PRKN: variants seen among roughly 807,000 people sequenced by gnomAD.
The protein encoded by PRKN is E3 ubiquitin-protein ligase parkin.
In PRKN, 56 loss-of-function variants were observed where a neutral mutation model predicts 59.5. The observed-to-expected ratio is 0.94, with a 90% confidence interval of 0.76 to 1.18. PRKN has a LOEUF of 1.18. Among genes scored for constraint, PRKN ranks in the 50% most tolerant of loss-of-function variants. The pLI, the probability that PRKN is intolerant of heterozygous loss-of-function variation, is 0.00. For missense variants in PRKN, 657 were observed against 596.4 expected (o/e 1.10, Z -1.06); for synonymous variants, 250 against 222.1 (o/e 1.13, Z -1.12).
chr6:162,159,826 A>C (rs549434994), intron 4 of PRKN, among the ~76,000 whole-genome samples: 3 of 152,334 alleles, frequency 2.0e-5, no homozygotes, highest in African/African-American at 7.2e-5. Context: ...TTTTGGCAAA[A>C]TGTAAGTGTA....
chr6:162,262,922 C>G lies in PRKN; in HGVS notation c.172-157G>C, dbSNP rs573023999. 9.9e-5 allele frequency among the ~76,000 whole-genome samples: 15 copies of G among 152,138 alleles called. No homozygotes were observed. In the East Asian group the frequency reaches 2.9e-3, roughly 29 times the overall value. ...CTCCTTTGCCCACAGCAGTTACACA[C>G]TACACACGGTAGACAAACAACACTG... On this transcript the variant is annotated intron_variant, in intron 2 of 11. Coordinates refer to ENST00000366898, the MANE Select transcript of PRKN (RefSeq NM_004562.3).
At chr6:161,712,889 T>A (rs796649272) in intron 7 of PRKN, among the ~76,000 whole-genome samples, 1 of 152,084 alleles carries the variant, frequency 6.6e-6, no homozygotes, top group African/African-American at 2.4e-5. Flanking sequence ...ACTTGCCACA[T>A]ATACCAAGCA....
At chr6:162,182,211 C>T (rs1783830315) in intron 4 of PRKN, among the ~76,000 whole-genome samples, 1 of 152,174 alleles carries the variant, frequency 6.6e-6, no homozygotes, top group Non-Finnish European at 1.5e-5. Flanking sequence ...GTTCCAAATA[C>T]ACTACACTCT....
chr6:161,552,787 G>GTTGTTGTTTT lies in PRKN; in HGVS notation c.934-3785_934-3784insAAAACAACAA, dbSNP rs1554275446. On this transcript the variant is annotated intron_variant, in intron 8 of 11. Transcript: ENST00000366898. This position sits in a 1 kb window ranked among gnomAD's most constrained non-coding sequence, Gnocchi z 4.9. Reference sequence around the variant, plus strand: ...TAAAAGACACCATGGTTTTGTTGTTGTTTTTGTTTTTTGTTTTTTTTTTTT... The same window carrying GTTGTTGTTTT: ...TAAAAGACACCATGGTTTTGTTGTTGTTGTTGTTTTTTTTTGTTTTTTGTTTTTTTTTTTT... Among the ~76,000 whole-genome samples, 1 of 86,504 alleles carries GTTGTTGTTTT rather than the reference G, an allele frequency of 1.2e-5. No homozygotes were observed. Among genetic ancestry groups the GTTGTTGTTTT allele is most frequent in the Non-Finnish European group, 2.7e-5 (1 of 37,616 alleles). The allele number at this position is 86,504 out of a possible 152,430, so 56.7% of individuals were successfully genotyped here.
At chr6:162,464,154 T>G (rs1396813660) in intron 1 of PRKN, among the ~76,000 whole-genome samples, 1 of 152,146 alleles carries the variant, frequency 6.6e-6, no homozygotes, top group African/African-American at 2.4e-5. Flanking sequence ...TTAGAAGAAA[T>G]CAATCATTGT....
At position 161,581,041 on chromosome 6, in the gene PRKN, A is replaced by AACACACACAC. The variant is rs71004055; in HGVS notation, c.872-11635_872-11626dup. Among the ~76,000 whole-genome samples the AACACACACAC allele has an allele frequency of 0.043, 5,975 of 137,530 alleles. 377 individuals carry two copies. The highest frequency in any genetic ancestry group is 0.14 in the African/African-American group (4,983 of 35,898). The allele number at this position is 137,530 out of a possible 152,430, so 90.2% of individuals were successfully genotyped here. ...ACACAGTGAAATCCTGTCTCTACTA[A>AACACACACAC]ACACACACACACACACACACACACA... On this transcript the variant is annotated intron_variant, in intron 7 of 11. Coordinates refer to ENST00000366898, the MANE Select transcript of PRKN (RefSeq NM_004562.3). The surrounding 1 kb of genome is among the most constrained non-coding windows in gnomAD (Gnocchi z 4.5).
At chr6:162,019,238 A>C (rs779119893) in intron 5 of PRKN, among the ~76,000 whole-genome samples, 10 of 152,194 alleles carry the variant, frequency 6.6e-5, no homozygotes, top group Admixed American at 2.0e-4. Context: ...CTCTCCCTAA[A>C]TATCTTCCTC....
chr6:162,270,640 A>G (rs2128102970), intron 2 of PRKN: 1 of 152,348 alleles, frequency 6.6e-6, no homozygotes, highest in East Asian at 1.9e-4. Context: ...AAAGGAATAC[A>G]ATCAGCCAAG....
intron 6 of PRKN, among the ~76,000 whole-genome samples, chr6:161,796,051 T>C (rs1180291742): frequency 1.3e-5 from 2 of 152,202 alleles, no homozygotes; most frequent in Admixed American, 6.5e-5. Context: ...ATATCCCAAG[T>C]GTGGTTGAAT....
intron 3 of PRKN, among the ~76,000 whole-genome samples, chr6:162,225,929 C>A (rs1212141653): frequency 4.1e-5 from 6 of 146,724 alleles, no homozygotes. Flanking sequence ...ATTTATACTT[C>A]TATTATTTTA....
chr6:162,683,174 G>A (rs1005634558), intron 1 of PRKN, among the ~76,000 whole-genome samples: 3 of 152,148 alleles, frequency 2.0e-5, no homozygotes, highest in African/African-American at 7.2e-5. Flanking sequence ...GTGAAGCGGG[G>A]AGGACTTTAT....
chr6:162,349,939 T>C (rs1784556929), intron 2 of PRKN, among the ~76,000 whole-genome samples: 1 of 152,204 alleles, frequency 6.6e-6, no homozygotes, highest in Non-Finnish European at 1.5e-5. Context: ...AAAGATGGCA[T>C]AGTTTCTATG....
At chr6:162,373,193 T>C (rs964733432) in intron 2 of PRKN, among the ~76,000 whole-genome samples, 1 of 152,206 alleles carries the variant, frequency 6.6e-6, no homozygotes, top group Non-Finnish European at 1.5e-5. Context: ...AGTAATATAA[T>C]AGCTACTTCA....
Position 162,105,463 on chromosome 6 carries a change from G to T in PRKN, c.535-51289C>A, listed in dbSNP as rs181078916. 1.8e-3 allele frequency among the ~76,000 whole-genome samples: 279 copies of T among 152,250 alleles called. 2 individuals are homozygous for T. The highest frequency in any genetic ancestry group is 3.9e-3 in the Admixed American group (60 of 15,288). On this transcript the variant is annotated intron_variant, in intron 4 of 11. Coordinates refer to ENST00000366898, the MANE Select transcript of PRKN (RefSeq NM_004562.3). ...ATTACCCAGCCTAGAGTGCAATGGC[G>T]CGATTTCGGCTCACTGCAACCTCCA... is the stretch of plus-strand genomic sequence containing the variant.
At chr6:162,570,049 C>A (rs1194530889) in intron 1 of PRKN, among the ~76,000 whole-genome samples, 5 of 152,172 alleles carry the variant, frequency 3.3e-5, no homozygotes, top group Non-Finnish European at 7.3e-5. Flanking sequence ...TATTTGCAAA[C>A]CCTGCCAGGG....
At chr6:162,709,708 G>T (rs1018657953) in intron 1 of PRKN, among the ~76,000 whole-genome samples, 6 of 152,158 alleles carry the variant, frequency 3.9e-5, no homozygotes, top group Admixed American at 3.9e-4. Context: ...TGGCTAAAAT[G>T]TATGAGAAAC....
chr6:161,381,825 T>A (rs914492944), intron 10 of PRKN, among the ~76,000 whole-genome samples: 4 of 152,042 alleles, frequency 2.6e-5, no homozygotes, highest in African/African-American at 9.7e-5. Flanking sequence ...AAGCCCAGAC[T>A]TTTTAGGCCG....
intron 2 of PRKN, among the ~76,000 whole-genome samples, chr6:162,305,290 T>C (rs952591509): frequency 6.6e-6 from 1 of 152,164 alleles, no homozygotes; most frequent in Admixed American, 6.6e-5. Flanking sequence ...TTAGCTTGGT[T>C]TTACCAAACC....
chr6:161,970,371 T>C (rs1446829394), intron 6 of PRKN, among the ~76,000 whole-genome samples: 2 of 150,024 alleles, frequency 1.3e-5, no homozygotes, highest in African/African-American at 4.9e-5. Context: ...CATAATGTCC[T>C]GCTAAATGGA....
Sources: allele counts gnomAD v4.1 joint callset (sites outside exome capture counted in the v4.1 genomes callset), GRCh38; gene constraint gnomAD v4.1.1; non-coding constraint Gnocchi (gnomAD v3.1); transcripts MANE v1.5; gene names NCBI Gene and HGNC (gene_info 2026-07-23, HGNC 2026-07-21).